The following GLIS3 variants were observed in gnomAD, a reference collection of about 807,000 sequenced individuals.
The protein encoded by GLIS3 is zinc finger protein GLIS3.
GLIS3 carries 53 observed loss-of-function variants against 78.6 expected under a neutral mutation model. The observed-to-expected ratio is 0.67, with a 90% CI of 0.54 to 0.85. The LOEUF is 0.85. GLIS3 is among the 40% of genes least tolerant of loss of function. The pLI, the probability that GLIS3 is intolerant of heterozygous loss-of-function variation, is 0.00. For synonymous variants in GLIS3, 684 were observed against 509.9 expected (o/e 1.34, Z -4.60); for missense variants, 1,703 against 1,231.1 (o/e 1.38, Z -5.74).
At chr9:4,240,703 T>C (rs758694672) in intron 2 of GLIS3, among the ~76,000 whole-genome samples, 6 of 152,316 alleles carry the variant, frequency 3.9e-5, no homozygotes, top group Middle Eastern at 3.4e-3. Context: ...CTATGTAACA[T>C]AGTCCTGTTC....
chr9:4,012,431 A>G (rs1039643440), intron 4 of GLIS3, among the ~76,000 whole-genome samples: 2 of 150,836 alleles, frequency 1.3e-5, no homozygotes, highest in South Asian at 2.1e-4. Context: ...GTATCAGGGG[A>G]AAAAAATAGA....
chr9:4,379,757 G>C, the GLIS3 span, among the ~76,000 whole-genome samples: 2 of 152,160 alleles, frequency 1.3e-5, no homozygotes, highest in East Asian at 3.8e-4. Context: ...CAATGACAGA[G>C]GTATTTTCAA....
intron 6 of GLIS3, among the ~76,000 whole-genome samples, chr9:3,925,454 C>T (rs888194154): frequency 2.0e-5 from 3 of 152,144 alleles, no homozygotes; most frequent in East Asian, 1.9e-4. Flanking sequence ...GAAAAAAAAT[C>T]GATTCCTGGC....
At chr9:4,471,827 G>A in the GLIS3 span, among the ~76,000 whole-genome samples, 2 of 152,168 alleles carry the variant, frequency 1.3e-5, no homozygotes, top group Non-Finnish European at 2.9e-5. Flanking sequence ...GCAACCTACA[G>A]AGTGGGAGAA....
At chr9:4,174,608 C>G (rs747997607) in intron 2 of GLIS3, among the ~76,000 whole-genome samples, 1 of 152,136 alleles carries the variant, frequency 6.6e-6, no homozygotes, top group Non-Finnish European at 1.5e-5. Flanking sequence ...ACCACAACTT[C>G]GCCTTTTATT....
chr9:4,402,917 G>C, the GLIS3 span, among the ~76,000 whole-genome samples: 1 of 152,140 alleles, frequency 6.6e-6, no homozygotes, highest in African/African-American at 2.4e-5. Context: ...GATAATAACA[G>C]AGAACTTCCC....
chr9:4,146,654 G>C (rs7032848), intron 2 of GLIS3, among the ~76,000 whole-genome samples: 4,971 of 152,246 alleles, frequency 0.033, 284 homozygotes, highest in African/African-American at 0.11. Flanking sequence ...CTGCAGTTAC[G>C]ATCCACTCAG....
At chr9:3,990,067 T>C (rs776120660) in intron 4 of GLIS3, among the ~76,000 whole-genome samples, 1 of 152,222 alleles carries the variant, frequency 6.6e-6, no homozygotes, top group African/African-American at 2.4e-5. Context: ...CAACAAACAC[T>C]TGAAAGCTGT....
chr9:4,292,881 C>A (rs1402533306), intron 1 of GLIS3, among the ~76,000 whole-genome samples: 1 of 152,128 alleles, frequency 6.6e-6, no homozygotes, highest in Non-Finnish European at 1.5e-5. Flanking sequence ...CCATCAGATT[C>A]TGAAAAGAGG....
At chr9:4,408,422 T>C in the GLIS3 span, among the ~76,000 whole-genome samples, 4 of 118,306 alleles carry the variant, frequency 3.4e-5, no homozygotes, top group African/African-American at 9.1e-5. Flanking sequence ...GGATGGTTAA[T>C]GGATATTAAA....
intron 4 of GLIS3, among the ~76,000 whole-genome samples, chr9:4,063,513 A>G (rs559483863): frequency 5.1e-4 from 77 of 152,262 alleles, no homozygotes; most frequent in African/African-American, 1.8e-3. Flanking sequence ...GATTGTCTCA[A>G]TAGAGCTTTT....
chr9:4,175,352 T>C (rs1422603476), intron 2 of GLIS3, among the ~76,000 whole-genome samples: 1 of 152,214 alleles, frequency 6.6e-6, no homozygotes, highest in Non-Finnish European at 1.5e-5. Context: ...GGGCACTGGG[T>C]GAATGGAGGC....
chr9:4,170,236 T>C (rs1816256445), intron 2 of GLIS3, among the ~76,000 whole-genome samples: 1 of 152,132 alleles, frequency 6.6e-6, no homozygotes, highest in African/African-American at 2.4e-5. Context: ...ACTGTGAAGA[T>C]AGGAATTAAC....
chr9:3,930,692 T>A (rs1360803069), intron 6 of GLIS3, among the ~76,000 whole-genome samples: 1 of 152,216 alleles, frequency 6.6e-6, no homozygotes, highest in South Asian at 2.1e-4. Flanking sequence ...CTCTTTCATG[T>A]CCATGACAAC....
chr9:4,118,614 G>A lies in GLIS3; in HGVS notation c.864C>T (p.His288=), dbSNP rs1362713648. The stretch of plus-strand genomic sequence containing the variant: ...GGGCCGAGTGGGACCTGGTGGATGA[G>A]TGCCGAGGACTAGGGTAAGGAGAGT... ...SSHSPYPSPR[H]SSTRSHSARS... The change falls in exon 4 of 11, where the codon CAC becomes CAT. Residue 288 remains histidine (H), a synonymous_variant. Transcript: ENST00000381971. This position sits in a 1 kb window ranked among gnomAD's most constrained non-coding sequence, Gnocchi z 4.7. 6.2e-7 allele frequency: 1 copy of A among 1,614,234 alleles called. No homozygotes were observed. The highest frequency in any genetic ancestry group is 8.5e-7 in the Non-Finnish European group (1 of 1,180,048).
At chr9:4,412,609 C>G in the GLIS3 span, among the ~76,000 whole-genome samples, 1 of 152,138 alleles carries the variant, frequency 6.6e-6, no homozygotes, top group Admixed American at 6.5e-5. Flanking sequence ...GGGTGAAGGG[C>G]AATATTTATT....
intron 7 of GLIS3, among the ~76,000 whole-genome samples, chr9:3,891,066 C>CAAAAAAAAAA (rs58449134): frequency 2.4e-5 from 3 of 126,962 alleles, no homozygotes; most frequent in African/African-American, 8.7e-5. Context: ...CTTCCTTCCT[C>CAAAAAAAAAA]AAAAAAAAAA....
chr9:4,162,310 T>A (rs1447330293), intron 2 of GLIS3, among the ~76,000 whole-genome samples: 1 of 152,118 alleles, frequency 6.6e-6, no homozygotes, highest in African/African-American at 2.4e-5. Flanking sequence ...AAAAGCTCTA[T>A]CTCCAGAAAA....
chr9:3,830,305 C>G (rs943328410), intron 9 of GLIS3, among the ~76,000 whole-genome samples: 8 of 151,958 alleles, frequency 5.3e-5, no homozygotes, highest in Non-Finnish European at 1.2e-4. Context: ...TTTCTTCTTT[C>G]TCCTTGCCTC....
Sources: allele counts gnomAD v4.1 joint callset (sites outside exome capture counted in the v4.1 genomes callset), GRCh38; gene constraint gnomAD v4.1.1; non-coding constraint Gnocchi (gnomAD v3.1); transcripts MANE v1.5; gene names NCBI Gene and HGNC (gene_info 2026-07-23, HGNC 2026-07-21).